The following LYRM4 variants were observed in gnomAD, a reference collection of about 807,000 sequenced individuals.
LYRM4 encodes the protein LYR motif containing 4.
In LYRM4, 9 loss-of-function variants were observed where a neutral mutation model predicts 11.7. The observed-to-expected ratio is 0.77, with a 90% CI of 0.46 to 1.34. The LOEUF is 1.34. Among genes scored for constraint, LYRM4 ranks in the 40% most tolerant of loss-of-function variants. LYRM4 has a pLI of 0.00. For missense variants in LYRM4, 133 were observed against 112.5 expected, an observed-to-expected ratio of 1.18 and a Z score of -0.82; for synonymous variants, 42 against 40.4, an observed-to-expected ratio of 1.04 and a Z score of -0.15.
At chr6:5,174,365 G>A (rs74419354) in intron 2 of LYRM4, among the ~76,000 whole-genome samples, 2,007 of 152,222 alleles carry the variant, frequency 0.013, 39 homozygotes, top group African/African-American at 0.044. Flanking sequence ...CACCTTTAAA[G>A]TCAATTCCTG....
the LYRM4 span, among the ~76,000 whole-genome samples, chr6:5,081,012 G>T: frequency 1.3e-5 from 2 of 152,052 alleles, no homozygotes; most frequent in Non-Finnish European, 2.9e-5. Context: ...GTTTGGGGTG[G>T]CTTGTTATGC....
intron 1 of LYRM4, 128 bp downstream of exon 1, chr6:5,260,520 G>A: frequency 1.5e-6 from 2 of 1,291,082 alleles, no homozygotes; most frequent in Non-Finnish European, 2.1e-6. Context: ...GCGGAGCCCG[G>A]TCCTTGCCTC....
chr6:5,039,212 C>T, the LYRM4 span, among the ~76,000 whole-genome samples: 1 of 151,970 alleles, frequency 6.6e-6, no homozygotes, highest in Non-Finnish European at 1.5e-5. Context: ...CGGAAGCCAC[C>T]ATTACTTAAA....
At chr6:5,144,510 G>A (rs965805864) in intron 2 of LYRM4, among the ~76,000 whole-genome samples, 3 of 151,162 alleles carry the variant, frequency 2.0e-5, no homozygotes, top group Non-Finnish European at 2.9e-5. Context: ...GGCGGTGGGC[G>A]CCCGCAGTCC....
chr6:5,059,507 C>T, the LYRM4 span, among the ~76,000 whole-genome samples: 10 of 152,124 alleles, frequency 6.6e-5, no homozygotes, highest in Non-Finnish European at 1.5e-4. Flanking sequence ...AGCTACTCGA[C>T]TCCCTTCCCT....
chr6:5,180,609 C>G (rs899262373), intron 2 of LYRM4, among the ~76,000 whole-genome samples: 2 of 152,250 alleles, frequency 1.3e-5, no homozygotes, highest in Non-Finnish European at 2.9e-5. Context: ...TGAGCTTGCT[C>G]TTCCTCAACA....
intron 2 of LYRM4, among the ~76,000 whole-genome samples, chr6:5,154,556 C>T (rs889337589): frequency 1.3e-5 from 2 of 152,156 alleles, no homozygotes; most frequent in African/African-American, 2.4e-5. Context: ...GTGGCTCAAG[C>T]CTGTAATCCC....
chr6:5,190,037 GCTT>G (rs1348281882), intron 2 of LYRM4, among the ~76,000 whole-genome samples: 2 of 152,146 alleles, frequency 1.3e-5, no homozygotes, highest in East Asian at 3.8e-4. Context: ...AGAGACTCCT[GCTT>G]TCTAATTTGC....
chr6:5,119,885 T>C (rs1763341653), intron 2 of LYRM4, among the ~76,000 whole-genome samples: 2 of 149,890 alleles, frequency 1.3e-5, no homozygotes, highest in African/African-American at 2.5e-5. Flanking sequence ...TTCCGCATCA[T>C]CATAGGAAAG....
chr6:5,054,586 A>G, the LYRM4 span, among the ~76,000 whole-genome samples: 1 of 151,898 alleles, frequency 6.6e-6, no homozygotes, highest in Non-Finnish European at 1.5e-5. Flanking sequence ...CAAAAATAAA[A>G]CTCTAAGCGC....
intron 1 of LYRM4, among the ~76,000 whole-genome samples, chr6:5,225,024 G>A (rs1355750155): frequency 2.0e-5 from 3 of 152,104 alleles, no homozygotes; most frequent in Non-Finnish European, 2.9e-5. Context: ...CGAGGCAGGC[G>A]GATCACCTGA....
intron 2 of LYRM4, among the ~76,000 whole-genome samples, chr6:5,115,725 C>T (rs1162054705): frequency 1.3e-5 from 2 of 152,106 alleles, no homozygotes; most frequent in Non-Finnish European, 2.9e-5. Flanking sequence ...AATTTATAGT[C>T]TGCTTTGACA....
chr6:5,218,479 TGTCAG>T (rs1762404421), intron 1 of LYRM4: 1 of 619,658 alleles, frequency 1.6e-6, no homozygotes, highest in African/African-American at 2.0e-5. Context: ...AAAATTCAAA[TGTCAG>T]GTCTATTTGC....
At chr6:5,243,122 TC>T (rs1763983718) in intron 1 of LYRM4, among the ~76,000 whole-genome samples, 1 of 152,200 alleles carries the variant, frequency 6.6e-6, no homozygotes, top group Admixed American at 6.5e-5. Flanking sequence ...GGAGAATTCT[TC>T]AAGGGCGAAT....
chr6:5,244,964 T>C (rs1298734549), intron 1 of LYRM4, among the ~76,000 whole-genome samples: 2 of 150,856 alleles, frequency 1.3e-5, no homozygotes, highest in Non-Finnish European at 3.0e-5. Context: ...CCCCTGCTAA[T>C]TGTCTTCTCC....
intron 1 of LYRM4, among the ~76,000 whole-genome samples, chr6:5,246,859 G>T (rs1415470386): frequency 6.6e-6 from 1 of 152,100 alleles, no homozygotes; most frequent in Non-Finnish European, 1.5e-5. Context: ...ACAGAGACTT[G>T]GGAGTAAACA....
chr6:5,137,987 A>G (rs182279626), intron 2 of LYRM4, among the ~76,000 whole-genome samples: 16 of 152,284 alleles, frequency 1.1e-4, no homozygotes, highest in African/African-American at 3.6e-4. Flanking sequence ...GGTGGTGCAG[A>G]GTTCACTTTG....
downstream of LYRM4, chr6:5,106,665 T>G (rs402541): frequency 0.45 from 68,485 of 152,064 alleles, 17,118 homozygotes; most frequent in East Asian, 0.8. Flanking sequence ...TCCCAGCTAT[T>G]ATGTCATGAC....
intron 2 of LYRM4, among the ~76,000 whole-genome samples, chr6:5,118,079 A>AATATATATATAT (rs113661997): frequency 4.0e-4 from 16 of 40,368 alleles, no homozygotes; most frequent in South Asian, 2.1e-3. Flanking sequence ...TCACCAAAAC[A>AATATATATATAT]ATATATATAT....
Sources: gnomAD v4.1 joint callset for allele counts (sites outside exome capture counted in the v4.1 genomes callset) on GRCh38, gnomAD v4.1.1 for gene constraint, MANE v1.5 for transcripts, NCBI Gene and HGNC (gene_info 2026-07-23, HGNC 2026-07-21) for gene names.